The following AXDND1 variants were observed in gnomAD, a reference collection of about 807,000 sequenced individuals.
AXDND1 encodes axonemal dynein light chain domain-containing protein 1.
Under a neutral mutation model 137.5 loss-of-function variants are expected in AXDND1, and 110 were observed. The observed-to-expected ratio is 0.80, with a 90% confidence interval of 0.69 to 0.94. AXDND1 has a LOEUF of 0.94. Among genes scored for constraint, AXDND1 ranks in the 40% least tolerant of loss-of-function variants. The probability of loss-of-function intolerance (pLI) is 0.00; values close to 1 mark genes in which losing one functional copy is unlikely to be tolerated. For synonymous variants in AXDND1, 414 were observed against 399.7 expected, an observed-to-expected ratio of 1.04 and a Z score of -0.43; for missense variants, 1,191 against 1,169.8, an observed-to-expected ratio of 1.02 and a Z score of -0.26.
At chr1:179,465,723 G>C (rs1411908657) in intron 16 of AXDND1, among the ~76,000 whole-genome samples, 2 of 152,248 alleles carry the variant, frequency 1.3e-5, no homozygotes, top group Non-Finnish European at 2.9e-5. Flanking sequence ...CCCAGAGATG[G>C]AGTCTGCAGA....
intron 12 of AXDND1, among the ~76,000 whole-genome samples, chr1:179,423,547 C>G (rs991046633): frequency 1.3e-5 from 2 of 151,866 alleles, no homozygotes; most frequent in Admixed American, 6.6e-5. Flanking sequence ...AAGTGGTTAT[C>G]TCTGATATTA....
At chr1:179,412,138 A>G (rs975934975) in intron 12 of AXDND1, among the ~76,000 whole-genome samples, 2 of 152,212 alleles carry the variant, frequency 1.3e-5, no homozygotes, top group African/African-American at 4.8e-5. Context: ...TGCATGAGCC[A>G]CTGTGGCTGA....
At chr1:179,523,200 G>A (rs1670232222) in intron 21 of AXDND1, among the ~76,000 whole-genome samples, 1 of 142,592 alleles carries the variant, frequency 7.0e-6, no homozygotes, top group African/African-American at 2.6e-5. Flanking sequence ...ATCTATTATT[G>A]TTTTCCTTGA....
intron 18 of AXDND1, among the ~76,000 whole-genome samples, chr1:179,491,289 G>A (rs1666865287): frequency 6.6e-6 from 1 of 152,098 alleles, no homozygotes; most frequent in African/African-American, 2.4e-5. Flanking sequence ...TCCAGCCTGG[G>A]CAACAGAGTG....
At chr1:179,372,426 A>G (rs971714792) in intron 4 of AXDND1, among the ~76,000 whole-genome samples, 2 of 152,192 alleles carry the variant, frequency 1.3e-5, no homozygotes, top group South Asian at 2.1e-4. Flanking sequence ...ATGTTTATAG[A>G]TAGACATAAC....
chr1:179,487,351 G>A (rs1444889175), intron 18 of AXDND1, among the ~76,000 whole-genome samples: 2 of 148,174 alleles, frequency 1.3e-5, no homozygotes, highest in Non-Finnish European at 3.0e-5. Flanking sequence ...CTTTGAGCAA[G>A]CCTTTCTAAC....
At chr1:179,520,887 G>A (rs1375981360) in intron 21 of AXDND1, among the ~76,000 whole-genome samples, 5 of 147,162 alleles carry the variant, frequency 3.4e-5, no homozygotes, top group Admixed American at 6.8e-5. Context: ...TATATATACA[G>A]CATATTTATA....
In AXDND1 at chr1:179,546,496, C is replaced by A. The variant is rs1054163622; in HGVS notation, c.3032-8016C>A. Reference sequence around the variant, plus strand: ...CTCCCAAGCAGAGTGGAGGGAGGAACTTCTGCTGCTCATCACTGGCAGTCA... The same window carrying A: ...CTCCCAAGCAGAGTGGAGGGAGGAAATTCTGCTGCTCATCACTGGCAGTCA... On this transcript the variant is annotated intron_variant, in intron 25 of 25. Transcript: ENST00000367618. Among the ~76,000 whole-genome samples, 3 of 143,360 alleles carry A rather than the reference C, an allele frequency of 2.1e-5. No individual in the cohort carries two copies. In the South Asian group the frequency reaches 6.2e-4, roughly 30 times the overall value. The allele number at this position is 143,360 out of a possible 152,430, so 94.0% of individuals were successfully genotyped here.
At chr1:179,462,902 A>AT (rs1417768154) in intron 16 of AXDND1, among the ~76,000 whole-genome samples, 1 of 151,986 alleles carries the variant, frequency 6.6e-6, no homozygotes, top group African/African-American at 2.4e-5. Flanking sequence ...TTTCTAGTTT[A>AT]TTTGCGTAGA....
intron 18 of AXDND1, 77 bp from the exon 19 acceptor site, chr1:179,491,461 A>G (rs1666887515): frequency 7.0e-6 from 7 of 995,596 alleles, no homozygotes; most frequent in East Asian, 2.5e-5. Flanking sequence ...GATCATTTCT[A>G]TTTTAAAATT....
chr1:179,532,646 G>C (rs551465081), intron 23 of AXDND1, among the ~76,000 whole-genome samples: 3 of 152,270 alleles, frequency 2.0e-5, no homozygotes, highest in Admixed American at 1.3e-4. Flanking sequence ...CACTTGGGAG[G>C]CTGAGGCAGG....
In AXDND1 at chr1:179,551,327, T is replaced by A; in HGVS notation, c.3032-3185T>A. 2.5e-6 allele frequency: 4 copies of A among 1,614,176 alleles called. No homozygotes were observed. The Admixed American group carries it at 6.7e-5, about 27-fold the overall frequency. On this transcript the variant is annotated intron_variant, in intron 25 of 25. Transcript: ENST00000367618. ...AGGTAAAACCACAGTGGAAGGCTTCTCTGTGGACAGAGACTGAAGGGTGTG... is the reference window on the plus strand; with the variant it reads ...AGGTAAAACCACAGTGGAAGGCTTCACTGTGGACAGAGACTGAAGGGTGTG...
intron 16 of AXDND1, chr1:179,449,148 A>G (rs774269142): frequency 8.8e-6 from 4 of 454,248 alleles, no homozygotes; most frequent in South Asian, 6.2e-5. Context: ...AGCCCCCCAA[A>G]GTGCTGGAAT....
chr1:179,468,003 A>G (rs1458766576), intron 16 of AXDND1, among the ~76,000 whole-genome samples: 2 of 152,218 alleles, frequency 1.3e-5, no homozygotes, highest in East Asian at 1.9e-4. Context: ...ACCCTGATCA[A>G]TAACCTAAAA....
chr1:179,412,157 C>G (rs978055082), intron 12 of AXDND1, among the ~76,000 whole-genome samples: 10 of 152,158 alleles, frequency 6.6e-5, no homozygotes, highest in Admixed American at 5.2e-4. Flanking sequence ...GACCCACTCT[C>G]TGATTCTGTT....
chr1:179,459,847 C>A (rs955627024), intron 16 of AXDND1, among the ~76,000 whole-genome samples: 14 of 131,014 alleles, frequency 1.1e-4, no homozygotes, highest in Admixed American at 5.0e-4. Flanking sequence ...CTTTCCCTTC[C>A]TTCCTTCCTT....
Position 179,409,653 on chromosome 1 carries a change from G to A in AXDND1, c.1110-1493G>A, listed in dbSNP as rs376997648. On this transcript the variant is annotated intron_variant, in intron 11 of 25. Transcript: ENST00000367618. ...CCCAGCACCCCTGGGAGGCTGAGGC[G>A]GGCGGATCACTTGAGGTCAGGAGTT... Among the ~76,000 whole-genome samples the A allele has an allele frequency of 3.9e-3, 590 of 152,160 alleles. 4 individuals carry two copies. Among genetic ancestry groups the A allele is most frequent in the African/African-American group, 0.013 (551 of 41,502 alleles).
Position 179,554,621 on chromosome 1 carries a change from G to A in AXDND1, c.*102G>A, listed in dbSNP as rs150466661. 1.9e-6 allele frequency: 3 copies of A among 1,543,804 alleles called. No individual in the cohort carries two copies. The highest frequency in any genetic ancestry group is 1.1e-5 in the South Asian group (1 of 89,316). On this transcript the variant is annotated 3_prime_UTR_variant, in exon 26 of 26. Coordinates refer to ENST00000367618, the MANE Select transcript of AXDND1 (RefSeq NM_144696.6). Reference sequence around the variant, plus strand: ...CTGGTGGCCATTGTTCTGTACTAAGGAACAACATTCCCTTTGAAAGGACAT... The same window carrying A: ...CTGGTGGCCATTGTTCTGTACTAAGAAACAACATTCCCTTTGAAAGGACAT...
chr1:179,460,518 A>C (rs1240192873), intron 16 of AXDND1, among the ~76,000 whole-genome samples: 1 of 152,178 alleles, frequency 6.6e-6, no homozygotes, highest in Admixed American at 6.5e-5. Flanking sequence ...GTAGGTGTGC[A>C]TGTGTCTTTA....
Sources: gnomAD v4.1 joint callset for allele counts (sites outside exome capture counted in the v4.1 genomes callset) on GRCh38, gnomAD v4.1.1 for gene constraint, MANE v1.5 for transcripts, NCBI Gene and HGNC (gene_info 2026-07-23, HGNC 2026-07-21) for gene names.